Variants in ABCC5 observed in about 807,000 individuals in gnomAD.
ABCC5 encodes the protein ATP-binding cassette sub-family C member 5.
In ABCC5, 61 loss-of-function variants were observed where a neutral mutation model predicts 160.9. That is an observed-to-expected ratio of 0.38 (90% CI 0.31 to 0.47). The LOEUF (loss-of-function observed/expected upper bound fraction) is 0.47, where lower values mean the gene tolerates loss of function less well. Among genes scored for constraint, ABCC5 ranks in the 20% least tolerant of loss-of-function variants. The pLI, the probability that ABCC5 is intolerant of heterozygous loss-of-function variation, is 0.99. For missense variants in ABCC5, 1,308 were observed against 1,813.3 expected (o/e 0.72, Z 5.06); for synonymous variants, 666 against 700.6 (o/e 0.95, Z 0.78).
intron 28 of ABCC5, 47 bp from the exon 29 acceptor site, chr3:183,925,766 C>T: frequency 6.3e-7 from 1 of 1,579,592 alleles, no homozygotes; most frequent in Non-Finnish European, 8.6e-7. Context: ...ATTCCTTTAG[C>T]ATTCTGGTTA....
chr3:183,920,214 A>C lies in ABCC5; in HGVS notation c.*1086T>G, dbSNP rs1380809840. 1 of 152,654 alleles carries C rather than the reference A, an allele frequency of 6.6e-6. No individual in the cohort carries two copies. Among genetic ancestry groups the C allele is most frequent in the Non-Finnish European group, 1.5e-5 (1 of 68,076 alleles). The allele number at this position is 152,654 out of a possible 1,614,324, so 9.5% of individuals were successfully genotyped here. A position where few individuals can be genotyped will look rare whatever the true frequency, so the allele number is the denominator to read the frequency against. ...CCAGTGTGAGACACTGATTAGCAAGAGCTGCTTAAAGTTGCAGACTTTGAG... is the reference window on the plus strand; with the variant it reads ...CCAGTGTGAGACACTGATTAGCAAGCGCTGCTTAAAGTTGCAGACTTTGAG... On this transcript the variant is annotated 3_prime_UTR_variant, in exon 30 of 30. Transcript: ENST00000334444. The surrounding 1 kb of genome is among the most constrained non-coding windows in gnomAD (Gnocchi z 4.1).
chr3:183,977,706 GC>G, intron 9 of ABCC5, 82 bp from the exon 10 acceptor site: 1 of 941,854 alleles, frequency 1.1e-6, no homozygotes. Flanking sequence ...TTCCTCTCAG[GC>G]GCTAGGAAGG....
chr3:183,967,602 C>T (rs769319897), intron 12 of ABCC5, 93 bp downstream of exon 12: 5 of 1,122,978 alleles, frequency 4.5e-6, no homozygotes, highest in Non-Finnish European at 6.7e-6. Flanking sequence ...TTTGTTTCCA[C>T]CTTTCCTGAC....
intron 11 of ABCC5, among the ~76,000 whole-genome samples, chr3:183,970,379 A>ATT (rs1266971741): frequency 5.3e-5 from 8 of 151,302 alleles, no homozygotes; most frequent in Non-Finnish European, 7.4e-5. Context: ...TCCCTCAGGC[A>ATT]GCCTATTCAA....
At chr3:183,938,169 G>T in intron 25 of ABCC5, 109 bp from the exon 26 acceptor site, 2 of 1,121,988 alleles carry the variant, frequency 1.8e-6, no homozygotes, top group Non-Finnish European at 2.6e-6. Flanking sequence ...CTATTCAGTT[G>T]TTATTTCAAC....
intron 5 of ABCC5, chr3:183,984,370 C>T (rs1176743717): frequency 1.0e-6 from 1 of 986,462 alleles, no homozygotes; most frequent in African/African-American, 1.7e-5. Context: ...GAAGCCCATC[C>T]ACCCTTCTAC....
chr3:183,994,857 T>G (rs1235867440), intron 2 of ABCC5, among the ~76,000 whole-genome samples: 1 of 143,598 alleles, frequency 7.0e-6, no homozygotes, highest in African/African-American at 2.6e-5. Flanking sequence ...TTTTCTATGT[T>G]TTTTTTTTTT....
At chr3:183,955,840 A>G (rs1377700964) in intron 17 of ABCC5, among the ~76,000 whole-genome samples, 1 of 143,792 alleles carries the variant, frequency 7.0e-6, no homozygotes, top group Non-Finnish European at 1.5e-5. Context: ...CCGTGTGTAT[A>G]TCACATCGGT....
At chr3:183,985,766 G>A in intron 5 of ABCC5, 1 of 281,112 alleles carries the variant, frequency 3.6e-6, no homozygotes, top group South Asian at 3.8e-5. Flanking sequence ...TGACCCCCGG[G>A]CACCCTGCAC....
chr3:183,954,824 G>A (rs1277785338), intron 17 of ABCC5, among the ~76,000 whole-genome samples: 1 of 152,136 alleles, frequency 6.6e-6, no homozygotes, highest in Non-Finnish European at 1.5e-5. Flanking sequence ...AAGGCAGTTG[G>A]ATTACAGCTT....
At chr3:183,991,468 T>TA (rs1202367490) in intron 2 of ABCC5, among the ~76,000 whole-genome samples, 1 of 152,166 alleles carries the variant, frequency 6.6e-6, no homozygotes, top group Non-Finnish European at 1.5e-5. Context: ...AGCGGGAACT[T>TA]AAACATTAAC....
chr3:183,996,296 A>G (rs1720280006), intron 2 of ABCC5, among the ~76,000 whole-genome samples: 1 of 152,200 alleles, frequency 6.6e-6, no homozygotes, highest in Non-Finnish European at 1.5e-5. Context: ...ACTATTCCAG[A>G]TGGTGGGAAC....
At chr3:183,936,768 A>G (rs936987157) in intron 26 of ABCC5, among the ~76,000 whole-genome samples, 4 of 152,182 alleles carry the variant, frequency 2.6e-5, no homozygotes, top group African/African-American at 9.6e-5. Context: ...TTGGCCTCCC[A>G]AAGTGTTGGG....
At chr3:183,943,028 T>A in intron 24 of ABCC5, 112 bp from the exon 25 acceptor site, 3 of 1,058,924 alleles carry the variant, frequency 2.8e-6, no homozygotes, top group South Asian at 3.2e-5. Context: ...CAGAGGTAGC[T>A]GCCACCCTGT....
At chr3:184,011,056 A>G (rs923522730) in intron 2 of ABCC5, among the ~76,000 whole-genome samples, 4 of 151,918 alleles carry the variant, frequency 2.6e-5, no homozygotes, top group Non-Finnish European at 5.9e-5. Context: ...CTCATTCTTA[A>G]TATCTCCCCA....
In ABCC5 at chr3:183,956,006, T is replaced by C. The variant is rs1447802868; in HGVS notation, c.2483-2736A>G. Among the ~76,000 whole-genome samples, 17 of 143,060 alleles carry C rather than the reference T, an allele frequency of 1.2e-4. 3 individuals carry two copies. Among genetic ancestry groups the C allele is most frequent in the African/African-American group, 4.3e-4 (17 of 39,192 alleles). 93.9% of individuals were successfully genotyped at this position (143,060 alleles called of 152,430 possible). A position where few individuals can be genotyped will look rare whatever the true frequency, so the allele number is the denominator to read the frequency against. On this transcript the variant is annotated intron_variant, in intron 17 of 29. Transcript: ENST00000334444. ...CATGCAGCTCCATGTGTATATCACATCGGTTACATGTTCATCCATGTGTAT... is the reference window on the plus strand; with the variant it reads ...CATGCAGCTCCATGTGTATATCACACCGGTTACATGTTCATCCATGTGTAT...
intron 26 of ABCC5, among the ~76,000 whole-genome samples, chr3:183,934,304 A>G (rs1713475395): frequency 6.6e-6 from 1 of 152,202 alleles, no homozygotes; most frequent in Non-Finnish European, 1.5e-5. Context: ...AAAACAAAAG[A>G]ATACCAAGAG....
rs73884812 is a variant in ABCC5 at position 183,972,460 on chromosome 3, G to T, written c.1405-541C>A. Among the ~76,000 whole-genome samples the T allele has an allele frequency of 6.9e-3, 1,048 of 152,236 alleles. 4 individuals carry two copies. Among genetic ancestry groups the T allele is most frequent in the African/African-American group, 0.025 (1,023 of 41,526 alleles). On this transcript the variant is annotated intron_variant, in intron 10 of 29. Transcript: ENST00000334444. Reference sequence around the variant, plus strand: ...TATCTAAAGTTTCATCTACCGCAGAGAACATCTTCTTGCCAAGAAACTCTC... The same window carrying T: ...TATCTAAAGTTTCATCTACCGCAGATAACATCTTCTTGCCAAGAAACTCTC...
chr3:184,014,197 A>G, intron 2 of ABCC5, 67 bp downstream of exon 2: 1 of 1,482,386 alleles, frequency 6.7e-7, no homozygotes, highest in South Asian at 1.2e-5. Flanking sequence ...TAAATTACCC[A>G]TTATACGAAA....
Sources: gnomAD v4.1 joint callset for allele counts (sites outside exome capture counted in the v4.1 genomes callset) on GRCh38, gnomAD v4.1.1 for gene constraint, Gnocchi (gnomAD v3.1) non-coding constraint, MANE v1.5 for transcripts, NCBI Gene and HGNC (gene_info 2026-07-23, HGNC 2026-07-21) for gene names.